Variants in NEDD1 observed in about 807,000 individuals in gnomAD.
NEDD1 encodes protein NEDD1.
In NEDD1, 33 loss-of-function variants were observed where a neutral mutation model predicts 74.0. The observed-to-expected ratio is 0.45, with a 90% confidence interval of 0.34 to 0.60. The LOEUF (loss-of-function observed/expected upper bound fraction) is 0.60, where lower values mean the gene tolerates loss of function less well. Ranked by LOEUF, NEDD1 falls within the 20% of genes least tolerant of loss-of-function variation. NEDD1 has a pLI of 0.01. For synonymous variants in NEDD1, 250 were observed against 264.4 expected (o/e 0.95, Z 0.53); for missense variants, 746 against 776.5 (o/e 0.96, Z 0.47).
At chr12:96,910,908 A>C (rs1391067891) in intron 3 of NEDD1, among the ~76,000 whole-genome samples, 1 of 152,224 alleles carries the variant, frequency 6.6e-6, no homozygotes, top group African/African-American at 2.4e-5. Context: ...TAAAAAAATC[A>C]AAGCTTTAAA....
intron 5 of NEDD1, among the ~76,000 whole-genome samples, chr12:96,918,709 C>G (rs1874735144): frequency 6.6e-6 from 1 of 152,178 alleles, no homozygotes; most frequent in African/African-American, 2.4e-5. Flanking sequence ...ATTTCTGGCA[C>G]TTAGTAGGTT....
chr12:96,915,607 A>G (rs1344561176), intron 4 of NEDD1, among the ~76,000 whole-genome samples: 1 of 152,216 alleles, frequency 6.6e-6, no homozygotes, highest in Non-Finnish European at 1.5e-5. Flanking sequence ...GAAGAATCCA[A>G]GGATGCACTG....
At position 96,935,877 on chromosome 12, in the gene NEDD1, G is replaced by C. The variant is rs575448269; in HGVS notation, c.719+672G>C. Among the ~76,000 whole-genome samples, 9 of 152,278 alleles carry C rather than the reference G, an allele frequency of 5.9e-5. No homozygotes were observed. In the East Asian group the frequency reaches 1.5e-3, roughly 26 times the overall value. ...AGAGTGATACAGTTGTATTCAAGAT[G>C]CTTACCACTGTCTGTAGATCATGTG... On this transcript the variant is annotated intron_variant, in intron 7 of 15. Coordinates refer to ENST00000266742, the MANE Select transcript of NEDD1 (RefSeq NM_152905.4).
intron 10 of NEDD1, among the ~76,000 whole-genome samples, chr12:96,941,991 T>A (rs1877705752): frequency 6.6e-6 from 1 of 152,134 alleles, no homozygotes; most frequent in Admixed American, 6.6e-5. Context: ...TGACTTTGGC[T>A]CATTTTTAAT....
Position 96,912,748 on chromosome 12 carries a change from C to T in NEDD1, c.162C>T (p.Ser54=). The part of the protein sequence containing the change: ...SNNNFLVTAS[S]SGDKIVVSSC... Reference sequence around the variant, plus strand: ...ATAACTTTTTAGTAACAGCATCTTCCAGTGGCGACAAAATAGTTGTCTCAA... The same window carrying T: ...ATAACTTTTTAGTAACAGCATCTTCTAGTGGCGACAAAATAGTTGTCTCAA... Residue 54 remains serine, a synonymous_variant, in exon 4 of 16, where the codon TCC becomes TCT. Transcript: ENST00000266742. 1 of 1,603,586 alleles carries T rather than the reference C, an allele frequency of 6.2e-7. No homozygotes were observed. The highest frequency in any genetic ancestry group is 8.5e-7 in the Non-Finnish European group (1 of 1,170,910).
At chr12:96,942,499 G>A (rs1877756953) in intron 10 of NEDD1, 78 bp from the exon 11 acceptor site, 2 of 746,474 alleles carry the variant, frequency 2.7e-6, no homozygotes. Context: ...TGAACTCTTT[G>A]GGGAATGAAT....
intron 3 of NEDD1, among the ~76,000 whole-genome samples, chr12:96,912,011 AT>A (rs1373208588): frequency 6.6e-6 from 1 of 152,056 alleles, no homozygotes; most frequent in Non-Finnish European, 1.5e-5. Flanking sequence ...ATTCTTAGTT[AT>A]ATTATTGTAT....
rs188986075 is a variant in NEDD1 at position 96,912,926 on chromosome 12, T to A, written c.231+109T>A. The A allele has an allele frequency of 2.4e-4, 142 of 596,102 alleles. No homozygotes were observed. The African/African-American group carries it at 2.6e-3, about 11-fold the overall frequency. 36.9% of individuals were successfully genotyped at this position (596,102 alleles called of 1,614,324 possible). On this transcript the variant is annotated intron_variant, in intron 4 of 15. Transcript: ENST00000266742. ...AATATAAAGGTTTTTAAAAGCATTA[T>A]TTTTAACTTAAGCTCAAAATAATAT...
At chr12:96,948,055 A>G (rs60465508) in intron 14 of NEDD1, among the ~76,000 whole-genome samples, 3,019 of 152,254 alleles carry the variant, frequency 0.02, 101 homozygotes, top group African/African-American at 0.07. Context: ...TACACCTATC[A>G]TTGGCAGGAC....
At chr12:96,927,665 T>C (rs1291690668) in intron 6 of NEDD1, among the ~76,000 whole-genome samples, 1 of 152,262 alleles carries the variant, frequency 6.6e-6, no homozygotes, top group African/African-American at 2.4e-5. Context: ...ATCCATTTGC[T>C]TTTCCTAAAT....
At chr12:96,914,101 T>C (rs1218940372) in intron 4 of NEDD1, among the ~76,000 whole-genome samples, 1 of 152,180 alleles carries the variant, frequency 6.6e-6, no homozygotes, top group Admixed American at 6.5e-5. Context: ...TAACCTGACT[T>C]AAGCAGAATC....
chr12:96,910,005 T>G lies in NEDD1; in HGVS notation c.136+110T>G, dbSNP rs1272047526. 5 of 1,138,424 alleles carry G rather than the reference T, an allele frequency of 4.4e-6. No homozygotes were observed. In the South Asian group the frequency reaches 8.1e-5, roughly 18 times the overall value. 70.5% of individuals were successfully genotyped at this position (1,138,424 alleles called of 1,614,324 possible). Reference sequence around the variant, plus strand: ...TGTGCCTCATACTGAGTAATGTGTTTTGCATTGCTACCAAGGATAGATAAC... The same window carrying G: ...TGTGCCTCATACTGAGTAATGTGTTGTGCATTGCTACCAAGGATAGATAAC... On this transcript the variant is annotated intron_variant, in intron 3 of 15. Coordinates refer to ENST00000266742, the MANE Select transcript of NEDD1 (RefSeq NM_152905.4).
intron 4 of NEDD1, among the ~76,000 whole-genome samples, chr12:96,915,756 G>C (rs1374241505): frequency 6.6e-6 from 1 of 152,188 alleles, no homozygotes; most frequent in Non-Finnish European, 1.5e-5. Flanking sequence ...AGAAGAACTT[G>C]ACAACATCTG....
intron 3 of NEDD1, among the ~76,000 whole-genome samples, chr12:96,911,692 T>C (rs995345344): frequency 1.3e-5 from 2 of 152,192 alleles, no homozygotes; most frequent in African/African-American, 2.4e-5. Flanking sequence ...TTTTTTTCTA[T>C]ATTCTAAGGA....
intron 6 of NEDD1, among the ~76,000 whole-genome samples, chr12:96,930,684 A>T (rs1224899146): frequency 6.6e-6 from 1 of 152,168 alleles, no homozygotes; most frequent in Non-Finnish European, 1.5e-5. Flanking sequence ...AGGCAGAGTG[A>T]GTGAGCCACT....
chr12:96,946,470 T>C (rs1256784151), intron 14 of NEDD1, among the ~76,000 whole-genome samples: 1 of 152,210 alleles, frequency 6.6e-6, no homozygotes, highest in Non-Finnish European at 1.5e-5. Flanking sequence ...AGCTCAGATT[T>C]GGATTACCGT....
intron 6 of NEDD1, among the ~76,000 whole-genome samples, chr12:96,927,947 TTCTC>T (rs1404516649): frequency 4.6e-5 from 7 of 152,240 alleles, no homozygotes; most frequent in East Asian, 1.9e-4. Context: ...ATTTCTTTGA[TTCTC>T]TATATATTTC....
intron 6 of NEDD1, among the ~76,000 whole-genome samples, chr12:96,927,742 T>C (rs1272750054): frequency 6.6e-6 from 1 of 152,214 alleles, no homozygotes; most frequent in Non-Finnish European, 1.5e-5. Flanking sequence ...CTGATAAATG[T>C]AAATATTAAT....
intron 5 of NEDD1, among the ~76,000 whole-genome samples, chr12:96,919,484 T>C (rs561127851): frequency 9.8e-5 from 15 of 152,302 alleles, no homozygotes; most frequent in African/African-American, 3.1e-4. Flanking sequence ...ACAGATGCCT[T>C]GCTCATTTGT....
Sources: allele counts gnomAD v4.1 joint callset (sites outside exome capture counted in the v4.1 genomes callset), GRCh38; gene constraint gnomAD v4.1.1; transcripts MANE v1.5; gene names NCBI Gene and HGNC (gene_info 2026-07-23, HGNC 2026-07-21).